Variants in CRISPLD2 observed in about 807,000 individuals in gnomAD.
CRISPLD2 encodes cysteine-rich secretory protein LCCL domain-containing 2.
In CRISPLD2, 47 loss-of-function variants were observed where a neutral mutation model predicts 71.1. That is an observed-to-expected ratio of 0.66 (90% confidence interval 0.52 to 0.84). The LOEUF (loss-of-function observed/expected upper bound fraction) is 0.84. CRISPLD2 is among the 40% of genes least tolerant of loss of function. The pLI, the probability that CRISPLD2 is intolerant of heterozygous loss-of-function variation, is 0.00. For missense variants in CRISPLD2, 830 were observed against 651.1 expected (o/e 1.27, Z -2.99); for synonymous variants, 317 against 250.1 (o/e 1.27, Z -2.52).
rs117748842 is a variant in CRISPLD2 at position 84,868,816 on chromosome 16, G to A, written c.854-35G>A. 6.4e-3 allele frequency: 10,193 copies of A among 1,582,864 alleles called. 62 individuals are homozygous for A. Among genetic ancestry groups the A allele is most frequent in the Middle Eastern group, 0.012 (71 of 6,016 alleles). On this transcript the variant is annotated intron_variant, in intron 7 of 14. Coordinates refer to ENST00000262424, the MANE Select transcript of CRISPLD2 (RefSeq NM_031476.4). ...AGGGTCTTCTCACCCTCCTGGTTTC[G>A]TGCCGTGACATGTATTCCCGCATTT...
At position 84,850,574 on chromosome 16, in the gene CRISPLD2, T is replaced by G. The variant is rs1917059126; in HGVS notation, c.499T>G (p.Trp167Gly). 1 of 1,613,918 alleles carries G rather than the reference T, an allele frequency of 6.2e-7. No homozygotes were observed. Among genetic ancestry groups the G allele is most frequent in the Non-Finnish European group, 8.5e-7 (1 of 1,179,906 alleles). ...PMCTHYTQIV[W>G]ATTNKIGCAV... ...ACAAATGTCATCTTTTCAGATAGTT[T>G]GGGCCACCACCAACAAGATCGGTTG... The change falls in exon 5 of 15, where the codon TGG (tryptophan) becomes GGG (glycine). Residue 167 changes from tryptophan (W) to glycine (G), a missense_variant. By Grantham distance (184) the Trp-to-Gly change is radical. Coordinates refer to ENST00000262424, the MANE Select transcript of CRISPLD2 (RefSeq NM_031476.4).
chr16:84,883,256 G>A (rs1169115180), intron 13 of CRISPLD2, among the ~76,000 whole-genome samples: 2 of 152,344 alleles, frequency 1.3e-5, no homozygotes, highest in African/African-American at 2.4e-5. Context: ...TTTGGAAAAT[G>A]TCTATTTAGC....
chr16:84,902,068 G>A (rs1259930284), intron 14 of CRISPLD2, among the ~76,000 whole-genome samples: 1 of 151,814 alleles, frequency 6.6e-6, no homozygotes, highest in African/African-American at 2.4e-5. Flanking sequence ...CAAAGTGCTG[G>A]GATGACAGGC....
Position 84,885,053 on chromosome 16 carries a change from T to C in CRISPLD2, c.1306-4177T>C, listed in dbSNP as rs143270076. Among the ~76,000 whole-genome samples, 6 of 152,320 alleles carry C rather than the reference T, an allele frequency of 3.9e-5. No individual in the cohort carries two copies. The East Asian group carries it at 5.8e-4, about 15-fold the overall frequency. The stretch of plus-strand genomic sequence containing the variant: ...GCCTGGAGGTCTTATTTCATCTTGT[T>C]GTTGTTGTTGGAAATGCAGATTCTC... On this transcript the variant is annotated intron_variant, in intron 13 of 14. Coordinates refer to ENST00000262424, the MANE Select transcript of CRISPLD2 (RefSeq NM_031476.4).
intron 6 of CRISPLD2, among the ~76,000 whole-genome samples, chr16:84,860,873 C>G (rs1264592302): frequency 6.6e-6 from 1 of 152,188 alleles, no homozygotes; most frequent in Non-Finnish European, 1.5e-5. Flanking sequence ...ATAAGACTCA[C>G]TCATGATAAT....
Position 84,847,612 on chromosome 16 carries a change from T to C in CRISPLD2, c.359+1708T>C, listed in dbSNP as rs1236290182. Among the ~76,000 whole-genome samples, 11 of 151,812 alleles carry C rather than the reference T, an allele frequency of 7.2e-5. No homozygotes were observed. The East Asian group carries it at 1.9e-3, about 27-fold the overall frequency. On this transcript the variant is annotated intron_variant, in intron 3 of 14. Coordinates refer to ENST00000262424, the MANE Select transcript of CRISPLD2 (RefSeq NM_031476.4). ...GCTGCAGTGAGCCAGGATTGCACCA[T>C]TGTACTCCAGCCTGGGTGACAGTGC...
chr16:84,835,691 A>G (rs1916602006), intron 1 of CRISPLD2, among the ~76,000 whole-genome samples: 1 of 152,118 alleles, frequency 6.6e-6, no homozygotes, highest in Non-Finnish European at 1.5e-5. Context: ...GTTTCACTAA[A>G]CCCCGTGGTT....
At chr16:84,831,901 AG>A (rs1353374092) in intron 1 of CRISPLD2, among the ~76,000 whole-genome samples, 3 of 152,054 alleles carry the variant, frequency 2.0e-5, no homozygotes, top group Non-Finnish European at 4.4e-5. Flanking sequence ...CACCTGGCTA[AG>A]GTTTGTACTT....
intron 11 of CRISPLD2, 45 bp downstream of exon 11, chr16:84,874,008 T>C (rs1460233225): frequency 6.5e-7 from 1 of 1,531,062 alleles, no homozygotes; most frequent in Non-Finnish European, 8.9e-7. Flanking sequence ...CTGGGTTATC[T>C]CAGATTTTCC....
intron 14 of CRISPLD2, among the ~76,000 whole-genome samples, chr16:84,904,521 T>G (rs1321760110): frequency 6.6e-6 from 1 of 151,518 alleles, no homozygotes; most frequent in African/African-American, 2.4e-5. Flanking sequence ...GAAGCAGAGG[T>G]TGCAGTGAGC....
At chr16:84,842,899 C>G (rs1348231088) in intron 2 of CRISPLD2, among the ~76,000 whole-genome samples, 1 of 152,174 alleles carries the variant, frequency 6.6e-6, no homozygotes, top group Non-Finnish European at 1.5e-5. Flanking sequence ...CTTGACTGAG[C>G]TGCGACCCCC....
At chr16:84,856,307 C>T (rs1310081158) in intron 6 of CRISPLD2, among the ~76,000 whole-genome samples, 3 of 152,182 alleles carry the variant, frequency 2.0e-5, no homozygotes, top group Non-Finnish European at 2.9e-5. Flanking sequence ...CACTGTGGAG[C>T]GGTAGACTGA....
chr16:84,875,185 G>A lies in CRISPLD2; in HGVS notation c.1156+1222G>A, dbSNP rs577145653. On this transcript the variant is annotated intron_variant, in intron 11 of 14. Coordinates refer to ENST00000262424, the MANE Select transcript of CRISPLD2 (RefSeq NM_031476.4). Reference sequence around the variant, plus strand: ...GAGCCTGGAAACTTGAGGCTGCAATGAGTCATGTTCATGCCACTACACTCC... The same window carrying A: ...GAGCCTGGAAACTTGAGGCTGCAATAAGTCATGTTCATGCCACTACACTCC... 1.1e-4 allele frequency among the ~76,000 whole-genome samples: 17 copies of A among 152,172 alleles called. No homozygotes were observed. In the South Asian group the frequency reaches 3.5e-3, roughly 32 times the overall value.
At chr16:84,877,388 G>C (rs2071528488) in intron 11 of CRISPLD2, 50 bp from the exon 12 acceptor site, 1 of 1,553,518 alleles carries the variant, frequency 6.4e-7, no homozygotes, top group African/African-American at 1.4e-5. Context: ...GGTAGCCTGA[G>C]GCCCAGGCGT....
chr16:84,872,053 A>G (rs2071475540), intron 8 of CRISPLD2, among the ~76,000 whole-genome samples: 2 of 152,234 alleles, frequency 1.3e-5, no homozygotes, highest in African/African-American at 2.4e-5. Context: ...TAAAAACAAT[A>G]CAGTGTAACA....
chr16:84,850,569 T>C lies in CRISPLD2; in HGVS notation c.494T>C (p.Ile165Thr). 1 of 1,613,688 alleles carries C rather than the reference T, an allele frequency of 6.2e-7. No homozygotes were observed. Among genetic ancestry groups the C allele is most frequent in the South Asian group, 1.1e-5 (1 of 91,076 alleles). ...GACACACAAATGTCATCTTTTCAGA[T>C]AGTTTGGGCCACCACCAACAAGATC... ...SGPMCTHYTQ[I>T]VWATTNKIGC... The change falls in exon 5 of 15, where the codon ATA becomes ACA. Residue 165 changes from isoleucine to threonine, a missense_variant and splice_region_variant. By Grantham distance (89) the Ile-to-Thr change is moderately conservative. Transcript: ENST00000262424.
intron 10 of CRISPLD2, 45 bp downstream of exon 10, chr16:84,873,167 T>C (rs1449121591): frequency 6.3e-7 from 1 of 1,580,288 alleles, no homozygotes; most frequent in East Asian, 2.3e-5. Flanking sequence ...TTTTCCTGTT[T>C]ATGACGGTGT....
At chr16:84,886,564 T>C (rs1265026346) in intron 13 of CRISPLD2, among the ~76,000 whole-genome samples, 1 of 152,168 alleles carries the variant, frequency 6.6e-6, no homozygotes. Flanking sequence ...GGCTCACACC[T>C]GTAATCCTGA....
intron 1 of CRISPLD2, among the ~76,000 whole-genome samples, chr16:84,829,666 G>A (rs544760889): frequency 1.3e-5 from 2 of 152,330 alleles, no homozygotes; most frequent in South Asian, 4.1e-4. Flanking sequence ...TAAGAGAGTC[G>A]CTGCGTGGAC....
Sources: allele counts gnomAD v4.1 joint callset (sites outside exome capture counted in the v4.1 genomes callset), GRCh38; gene constraint gnomAD v4.1.1; transcripts MANE v1.5; gene names NCBI Gene and HGNC (gene_info 2026-07-23, HGNC 2026-07-21).